The following MBTD1 variants were observed in gnomAD, a reference collection of about 807,000 sequenced individuals.
MBTD1 encodes the protein MBT domain-containing protein 1.
A neutral mutation model predicts 87.8 loss-of-function variants in MBTD1; 24 were observed. That is an observed-to-expected ratio of 0.27 (90% CI 0.20 to 0.38). The LOEUF (loss-of-function observed/expected upper bound fraction) is 0.38. MBTD1 is among the 10% of genes least tolerant of loss of function. The pLI is 1.00. For synonymous variants in MBTD1, 237 were observed against 248.6 expected (o/e 0.95, Z 0.44); for missense variants, 436 against 760.2 (o/e 0.57, Z 5.02).
intron 6 of MBTD1, among the ~76,000 whole-genome samples, chr17:51,211,434 G>A (rs2052206355): frequency 6.6e-6 from 1 of 150,456 alleles, no homozygotes; most frequent in East Asian, 2.0e-4. Context: ...CTGAGCCCAA[G>A]AAGTTGAGGC....
At chr17:51,204,733 T>C (rs903568533) in intron 7 of MBTD1, among the ~76,000 whole-genome samples, 3 of 152,120 alleles carry the variant, frequency 2.0e-5, no homozygotes, top group Non-Finnish European at 4.4e-5. Context: ...ACTCTCAACC[T>C]CAGGTGATCT....
chr17:51,226,183 C>A (rs570614397), intron 2 of MBTD1, among the ~76,000 whole-genome samples: 37 of 146,362 alleles, frequency 2.5e-4, no homozygotes, highest in African/African-American at 8.5e-4. Context: ...CAAAAAAAAA[C>A]ACAAAAAAAC....
upstream of MBTD1, chr17:51,260,714 C>T (rs1258426272): frequency 1.2e-6 from 2 of 1,600,664 alleles, no homozygotes; most frequent in South Asian, 1.1e-5. Context: ...AAAGCCTGCC[C>T]CTTCATCCCA....
In MBTD1 at chr17:51,190,750, A is replaced by AATATATATAT. The variant is rs1555677186; in HGVS notation, c.1768+1443_1768+1452dup. 4.3e-3 allele frequency among the ~76,000 whole-genome samples: 171 copies of AATATATATAT among 39,668 alleles called. 3 individuals are homozygous for AATATATATAT. The highest frequency in any genetic ancestry group is 0.011 in the East Asian group (19 of 1,702). The allele number at this position is 39,668 out of a possible 152,430, so 26.0% of individuals were successfully genotyped here. A position where few individuals can be genotyped will look rare whatever the true frequency, so the allele number is the denominator to read the frequency against. Reference sequence around the variant, plus strand: ...AAAAAAAAAAAAAAAAAAAAAAAAAAATATATATATATATATATATAACCT... The same window carrying AATATATATAT: ...AAAAAAAAAAAAAAAAAAAAAAAAAAATATATATATATATATATATATATATATATAACCT... On this transcript the variant is annotated intron_variant, in intron 16 of 16. Coordinates refer to ENST00000586178, the MANE Select transcript of MBTD1 (RefSeq NM_017643.3).
chr17:51,212,215 G>C (rs946217015), intron 6 of MBTD1, among the ~76,000 whole-genome samples: 1 of 151,708 alleles, frequency 6.6e-6, no homozygotes, highest in African/African-American at 2.4e-5. Flanking sequence ...AAAATTAGCC[G>C]AGTGTGGTTG....
chr17:51,258,505 TAAA>T (rs915956212), intron 2 of MBTD1, among the ~76,000 whole-genome samples: 3 of 105,484 alleles, frequency 2.8e-5, no homozygotes, highest in Non-Finnish European at 6.2e-5. Flanking sequence ...GATAGTTACT[TAAA>T]AAAAAAAAAG....
chr17:51,201,510 G>A, intron 12 of MBTD1, 82 bp downstream of exon 12: 6 of 794,610 alleles, frequency 7.6e-6, no homozygotes, highest in South Asian at 1.7e-5. Context: ...ATGTCAAAAC[G>A]AATATGCTTG....
Position 51,193,296 on chromosome 17 carries a change from A to G in MBTD1, c.1455+132T>C, listed in dbSNP as rs898950443. On this transcript the variant is annotated intron_variant, in intron 14 of 16. Coordinates refer to ENST00000586178, the MANE Select transcript of MBTD1 (RefSeq NM_017643.3). ...GTAAAGAAAATATTTATATTGTTTC[A>G]TTGCTATATTTGTTTATATTATATC... The G allele has an allele frequency of 1.4e-5, 9 of 646,428 alleles. No individual in the cohort carries two copies. The East Asian group carries it at 1.7e-4, about 12-fold the overall frequency. 40.0% of individuals were successfully genotyped at this position (646,428 alleles called of 1,614,324 possible).
intron 11 of MBTD1, 35 bp from the exon 12 acceptor site, chr17:51,201,731 A>C (rs920447785): frequency 7.6e-7 from 1 of 1,315,200 alleles, no homozygotes; most frequent in Admixed American, 1.9e-5. Context: ...CTACTGTTAC[A>C]AATGTTGTTA....
At position 51,179,483 on chromosome 17, in the gene MBTD1, TTTATATA is replaced by T. The variant is rs201567248; in HGVS notation, c.*1086_*1092del. 8.0e-3 allele frequency: 296 copies of T among 37,030 alleles called. 13 individuals carry two copies. Among genetic ancestry groups the T allele is most frequent in the Middle Eastern group, 0.014 (1 of 70 alleles). 2.3% of individuals were successfully genotyped at this position (37,030 alleles called of 1,614,324 possible). ...AATCCTGAATACAATTAAAGACAATTTTATATATATATATATATATATATATATATAT... is the reference window on the plus strand; with the variant it reads ...AATCCTGAATACAATTAAAGACAATTTATATATATATATATATATATATAT... On this transcript the variant is annotated 3_prime_UTR_variant, in exon 17 of 17. Coordinates refer to ENST00000586178, the MANE Select transcript of MBTD1 (RefSeq NM_017643.3).
intron 16 of MBTD1, among the ~76,000 whole-genome samples, 183 bp from the exon 17 acceptor site, chr17:51,180,877 G>A (rs998007057): frequency 6.6e-6 from 1 of 152,162 alleles, no homozygotes; most frequent in East Asian, 1.9e-4. Context: ...CTGTGTAATG[G>A]ACATCTTCAA....
At chr17:51,216,499 C>T (rs1055996589) in intron 6 of MBTD1, among the ~76,000 whole-genome samples, 4 of 152,082 alleles carry the variant, frequency 2.6e-5, no homozygotes, top group East Asian at 3.9e-4. Flanking sequence ...GAAAAGAAAA[C>T]CTTTTAAAGG....
intron 16 of MBTD1, chr17:51,185,633 T>C (rs2050501644): frequency 6.6e-6 from 1 of 152,216 alleles, no homozygotes; most frequent in South Asian, 2.1e-4. Flanking sequence ...CTATGAAATG[T>C]TATGAACAAA....
rs375073877 is a variant in MBTD1 at position 51,190,398 on chromosome 17, C to T, written c.1768+1805G>A. Among the ~76,000 whole-genome samples, 74 of 152,024 alleles carry T rather than the reference C, an allele frequency of 4.9e-4. No individual in the cohort carries two copies. In the East Asian group the frequency reaches 9.9e-3, roughly 20 times the overall value. ...GATTAATTACAGGCATGAGCCACCGCGTCCAGTCCAATTTAAAAAATATCT... is the reference window on the plus strand; with the variant it reads ...GATTAATTACAGGCATGAGCCACCGTGTCCAGTCCAATTTAAAAAATATCT... On this transcript the variant is annotated intron_variant, in intron 16 of 16. Transcript: ENST00000586178.
chr17:51,189,009 C>T (rs1463617641), intron 16 of MBTD1, among the ~76,000 whole-genome samples: 1 of 152,194 alleles, frequency 6.6e-6, no homozygotes, highest in Non-Finnish European at 1.5e-5. Context: ...CCGCCTGCCT[C>T]GGCCTCCCAA....
At position 51,180,452 on chromosome 17, in the gene MBTD1, T is replaced by A; in HGVS notation, c.*124A>T. 1.7e-5 allele frequency: 2 copies of A among 117,922 alleles called. No individual in the cohort carries two copies. The highest frequency in any genetic ancestry group is 3.1e-5 in the Non-Finnish European group (2 of 64,156). 7.3% of individuals were successfully genotyped at this position (117,922 alleles called of 1,614,324 possible). A position where few individuals can be genotyped will look rare whatever the true frequency, so the allele number is the denominator to read the frequency against. On this transcript the variant is annotated 3_prime_UTR_variant, in exon 17 of 17. Transcript: ENST00000586178. ...AGCTCCCCCACCCACCTGAAAAATC[T>A]GGAACTGAAATCTTCTATGTTTAGC...
chr17:51,241,006 C>A (rs1341256582), intron 2 of MBTD1, among the ~76,000 whole-genome samples: 1 of 151,916 alleles, frequency 6.6e-6, no homozygotes, highest in Non-Finnish European at 1.5e-5. Flanking sequence ...GAGACAGGGT[C>A]TCCCAGGCTG....
rs751694361 is a variant in MBTD1 at position 51,259,156 on chromosome 17, G to A, written c.-62C>T. The A allele has an allele frequency of 2.9e-5, 22 of 749,114 alleles. No homozygotes were observed. The highest frequency in any genetic ancestry group is 3.4e-5 in the East Asian group (1 of 29,524). The allele number at this position is 749,114 out of a possible 1,614,324, so 46.4% of individuals were successfully genotyped here. A position where few individuals can be genotyped will look rare whatever the true frequency, so the allele number is the denominator to read the frequency against. ...CAGACTACCTACCACTTGTCAGAGA[G>A]GCTGCAGAGGGGACGGCTGCTTTGG... On this transcript the variant is annotated 5_prime_UTR_variant, in exon 2 of 17. Coordinates refer to ENST00000586178, the MANE Select transcript of MBTD1 (RefSeq NM_017643.3).
intron 2 of MBTD1, among the ~76,000 whole-genome samples, chr17:51,226,531 G>A (rs977555087): frequency 1.3e-5 from 2 of 151,828 alleles, no homozygotes; most frequent in African/African-American, 2.4e-5. Flanking sequence ...AATAAAAATC[G>A]TGGTGAAATA....
Sources: allele counts gnomAD v4.1 joint callset (sites outside exome capture counted in the v4.1 genomes callset), GRCh38; gene constraint gnomAD v4.1.1; transcripts MANE v1.5; gene names NCBI Gene and HGNC (gene_info 2026-07-23, HGNC 2026-07-21).